Variants in SLC8A1 observed in about 807,000 individuals in gnomAD.
The protein encoded by SLC8A1 is solute carrier family 8 member A1.
In SLC8A1, 18 loss-of-function variants were observed where a neutral mutation model predicts 68.3. The observed-to-expected ratio is 0.26, with a 90% CI of 0.18 to 0.39. SLC8A1 has a LOEUF of 0.39. Ranked by LOEUF, SLC8A1 falls within the 10% of genes least tolerant of loss-of-function variation. The pLI, the probability that SLC8A1 is intolerant of heterozygous loss-of-function variation, is 1.00. For missense variants in SLC8A1, 985 were observed against 1,156.7 expected (o/e 0.85, Z 2.15); for synonymous variants, 475 against 415.5 (o/e 1.14, Z -1.74).
At chr2:40,229,938 A>G (rs1282731928) in intron 2 of SLC8A1, among the ~76,000 whole-genome samples, 1 of 152,202 alleles carries the variant, frequency 6.6e-6, no homozygotes, top group Non-Finnish European at 1.5e-5. Flanking sequence ...TTTTGATGGA[A>G]TCACATATCT....
intron 2 of SLC8A1, among the ~76,000 whole-genome samples, chr2:40,182,599 A>G (rs1384244059): frequency 6.6e-6 from 1 of 152,194 alleles, no homozygotes; most frequent in Non-Finnish European, 1.5e-5. Flanking sequence ...TACCAAACCA[A>G]CATCTATACT....
At chr2:40,157,337 G>C (rs570133733) in intron 6 of SLC8A1, among the ~76,000 whole-genome samples, 8 of 141,300 alleles carry the variant, frequency 5.7e-5, no homozygotes, top group African/African-American at 2.0e-4. Flanking sequence ...AGGTGTGAGC[G>C]AACTGAGATC....
At chr2:40,492,026 G>A (rs563457868) in intron 1 of SLC8A1, among the ~76,000 whole-genome samples, 9 of 151,736 alleles carry the variant, frequency 5.9e-5, no homozygotes, top group South Asian at 2.1e-4. Flanking sequence ...AAAAGAGCCC[G>A]CATCGCCAAG....
Position 40,354,038 on chromosome 2 carries a change from T to A in SLC8A1, c.1808+74435A>T, listed in dbSNP as rs550015395. Among the ~76,000 whole-genome samples the A allele has an allele frequency of 8.5e-5, 13 of 152,320 alleles. 1 individual carries two copies. In the South Asian group the frequency reaches 2.5e-3, roughly 29 times the overall value. The stretch of plus-strand genomic sequence containing the variant: ...AAGTCATTTTATTCTTGTGCAGATG[T>A]TTTTATAGGAAAGAGCCCCAGAAAT... On this transcript the variant is annotated intron_variant, in intron 2 of 7. Transcript: ENST00000406785.
chr2:40,391,478 G>A (rs1170882109), intron 2 of SLC8A1, among the ~76,000 whole-genome samples: 2 of 139,032 alleles, frequency 1.4e-5, no homozygotes, highest in Non-Finnish European at 2.9e-5. Context: ...GATTACAGCT[G>A]AATTTCTCTC....
At chr2:40,456,481 G>C (rs1448310429), upstream of SLC8A1, among the ~76,000 whole-genome samples, 1 of 152,176 alleles carries the variant, frequency 6.6e-6, no homozygotes, top group Non-Finnish European at 1.5e-5. Context: ...TATTAATTTA[G>C]AGGTCAGAAA....
intron 2 of SLC8A1, among the ~76,000 whole-genome samples, chr2:40,301,509 A>G (rs1019522459): frequency 1.3e-5 from 2 of 151,998 alleles, no homozygotes; most frequent in Non-Finnish European, 2.9e-5. Context: ...ACCAAAGATC[A>G]TATGTTCTCA....
At chr2:40,142,945 AGTGTGT>A (rs113217495) in intron 6 of SLC8A1, among the ~76,000 whole-genome samples, 22 of 148,982 alleles carry the variant, frequency 1.5e-4, no homozygotes, top group Non-Finnish European at 2.4e-4. Context: ...TGTGTGTGTG[AGTGTGT>A]GTGTGTGTGT....
At chr2:40,451,784 C>CACACAA (rs1266614406) in intron 1 of SLC8A1, 120 bp downstream of exon 1, 5 of 144,956 alleles carry the variant, frequency 3.4e-5, no homozygotes, top group African/African-American at 1.3e-4. Flanking sequence ...CACACACACA[C>CACACAA]AAATTTAGAA....
chr2:40,491,688 A>C (rs1705324892), intron 1 of SLC8A1, among the ~76,000 whole-genome samples: 1 of 152,128 alleles, frequency 6.6e-6, no homozygotes, highest in Non-Finnish European at 1.5e-5. Flanking sequence ...TTTTAGCATG[A>C]AGAGTTGTTG....
chr2:40,235,907 G>A (rs911287110), intron 2 of SLC8A1, among the ~76,000 whole-genome samples: 80 of 151,986 alleles, frequency 5.3e-4, no homozygotes, highest in African/African-American at 1.9e-3. Flanking sequence ...TAGTTGAGGG[G>A]TTTTGAGTGA....
intron 2 of SLC8A1, among the ~76,000 whole-genome samples, chr2:40,262,782 A>G (rs905383084): frequency 1.2e-4 from 19 of 152,286 alleles, no homozygotes; most frequent in African/African-American, 4.6e-4. Context: ...ATTCTAGGCC[A>G]GCTTGCCCTA....
In SLC8A1 at chr2:40,259,392, T is replaced by G. The variant is rs529043087; in HGVS notation, c.1809-81537A>C. Reference sequence around the variant, plus strand: ...TCCTACCCTCTAGATATTGCCTTATTTGAAAAGGTAATATCTTTTAATCCC... The same window carrying G: ...TCCTACCCTCTAGATATTGCCTTATGTGAAAAGGTAATATCTTTTAATCCC... On this transcript the variant is annotated intron_variant, in intron 2 of 7. Coordinates refer to ENST00000406785, the Ensembl canonical transcript of SLC8A1. Among the ~76,000 whole-genome samples, 3 of 152,368 alleles carry G rather than the reference T, an allele frequency of 2.0e-5. No individual in the cohort carries two copies. The South Asian group carries it at 6.2e-4, about 32-fold the overall frequency.
At chr2:40,363,291 C>T (rs1675131710) in intron 2 of SLC8A1, among the ~76,000 whole-genome samples, 1 of 151,938 alleles carries the variant, frequency 6.6e-6, no homozygotes, top group African/African-American at 2.4e-5. Flanking sequence ...ATAAAAAGTG[C>T]CTCCTCTCCC....
intron 5 of SLC8A1, 40 bp downstream of exon 8, chr2:40,164,814 G>A (rs2046277879): frequency 6.2e-7 from 1 of 1,610,516 alleles, no homozygotes; most frequent in African/African-American, 1.3e-5. Context: ...TCTGTCCCAA[G>A]GTGAGACTGG....
intron 2 of SLC8A1, among the ~76,000 whole-genome samples, chr2:40,290,185 C>T (rs2069043865): frequency 6.6e-6 from 1 of 151,694 alleles, no homozygotes; most frequent in Non-Finnish European, 1.5e-5. Flanking sequence ...CATTACTGTG[C>T]CTTGCAAGGT....
At chr2:40,454,709 T>C (rs1468228594), upstream of SLC8A1, among the ~76,000 whole-genome samples, 1 of 152,216 alleles carries the variant, frequency 6.6e-6, no homozygotes, top group Non-Finnish European at 1.5e-5. Flanking sequence ...CCTAATTTTC[T>C]TTGCCTTTCA....
chr2:40,369,634 T>C (rs1677375145), intron 2 of SLC8A1, among the ~76,000 whole-genome samples: 1 of 152,106 alleles, frequency 6.6e-6, no homozygotes, highest in Admixed American at 6.6e-5. Flanking sequence ...CATCTATGTC[T>C]ATCAGCCATT....
chr2:40,291,683 C>T (rs2069352384), intron 2 of SLC8A1, among the ~76,000 whole-genome samples: 1 of 152,134 alleles, frequency 6.6e-6, no homozygotes, highest in Admixed American at 6.6e-5. Context: ...TCTGAAAGAA[C>T]CACATGATCT....
Sources: gnomAD v4.1 joint callset for allele counts (sites outside exome capture counted in the v4.1 genomes callset) on GRCh38, gnomAD v4.1.1 for gene constraint, MANE v1.5 for transcripts, NCBI Gene and HGNC (gene_info 2026-07-23, HGNC 2026-07-21) for gene names.